HECW1: variants seen among roughly 807,000 people sequenced by gnomAD.
HECW1 encodes E3 ubiquitin-protein ligase HECW1.
In HECW1, 61 loss-of-function variants were observed where a neutral mutation model predicts 182.3. The observed-to-expected ratio is 0.33, with a 90% confidence interval of 0.27 to 0.41. The LOEUF is 0.41. Ranked by LOEUF, HECW1 falls within the 10% of genes least tolerant of loss-of-function variation. The pLI, the probability that HECW1 is intolerant of heterozygous loss-of-function variation, is 1.00. For synonymous variants in HECW1, 859 were observed against 832.6 expected (o/e 1.03, Z -0.55); for missense variants, 1,739 against 2,108.9 (o/e 0.82, Z 3.44).
chr7:43,402,401 G>A (rs991441134), intron 7 of HECW1, among the ~76,000 whole-genome samples: 2 of 152,132 alleles, frequency 1.3e-5, no homozygotes, highest in South Asian at 2.1e-4. Context: ...TTGAGCATAC[G>A]AGCCACACCC....
chr7:43,415,668 A>G lies in HECW1; in HGVS notation c.801+7937A>G, dbSNP rs1425848043. On this transcript the variant is annotated intron_variant, in intron 8 of 29. Coordinates refer to ENST00000395891, the MANE Select transcript of HECW1 (RefSeq NM_015052.5). ...CTCCCCATCACTTTCAGGTACACCAATCAGACGTAGATTTGGTCTTTTCAC... is the reference window on the plus strand; with the variant it reads ...CTCCCCATCACTTTCAGGTACACCAGTCAGACGTAGATTTGGTCTTTTCAC... Among the ~76,000 whole-genome samples, 26 of 145,832 alleles carry G rather than the reference A, an allele frequency of 1.8e-4. No homozygotes were observed. The East Asian group carries it at 2.4e-3, about 13-fold the overall frequency.
At chr7:43,331,180 C>A (rs766976801) in intron 5 of HECW1, among the ~76,000 whole-genome samples, 1 of 151,880 alleles carries the variant, frequency 6.6e-6, no homozygotes, top group Non-Finnish European at 1.5e-5. Flanking sequence ...GTTCCCCACC[C>A]TGTGTCCAAG....
intron 2 of HECW1, among the ~76,000 whole-genome samples, chr7:43,225,423 C>T (rs1584055628): frequency 6.6e-6 from 1 of 152,026 alleles, no homozygotes; most frequent in Admixed American, 6.6e-5. Context: ...CCTGGGGAAA[C>T]CACTCATATG....
intron 2 of HECW1, among the ~76,000 whole-genome samples, chr7:43,139,281 A>C (rs185221648): frequency 2.6e-5 from 4 of 152,346 alleles, no homozygotes; most frequent in Non-Finnish European, 5.9e-5. Flanking sequence ...GCACCATGGC[A>C]AACCTCAGCC....
At chr7:43,513,790 C>T (rs1461187586) in intron 24 of HECW1, among the ~76,000 whole-genome samples, 2 of 151,952 alleles carry the variant, frequency 1.3e-5, no homozygotes, top group East Asian at 1.9e-4. Context: ...CTTATTTGTA[C>T]GACTGACTTC....
chr7:43,187,952 G>C (rs1179588454), intron 2 of HECW1, among the ~76,000 whole-genome samples: 2 of 152,158 alleles, frequency 1.3e-5, no homozygotes, highest in African/African-American at 4.8e-5. Context: ...ATGGCTGAAT[G>C]TCCCATCAGT....
intron 2 of HECW1, among the ~76,000 whole-genome samples, chr7:43,145,120 A>G (rs1788559314): frequency 6.6e-6 from 1 of 152,200 alleles, no homozygotes; most frequent in Non-Finnish European, 1.5e-5. Context: ...CTCTCTCAAC[A>G]GAAATCATTT....
Position 43,554,671 on chromosome 7 carries a change from A to G in HECW1, c.4590A>G (p.Leu1530=). Residue 1530 remains leucine, a synonymous_variant, in exon 29 of 30, where the codon TTA becomes TTG. Transcript: ENST00000395891. ...ERFNNEQRLR[L]LQFVTGTSSV... Reference sequence around the variant, plus strand: ...TCAATAATGAGCAGAGGCTGAGATTACTGCAGTTTGTCACGGGAACATCCA... The same window carrying G: ...TCAATAATGAGCAGAGGCTGAGATTGCTGCAGTTTGTCACGGGAACATCCA... 1 of 1,614,026 alleles carries G rather than the reference A, an allele frequency of 6.2e-7. No homozygotes were observed. The highest frequency in any genetic ancestry group is 8.5e-7 in the Non-Finnish European group (1 of 1,179,982).
intron 2 of HECW1, among the ~76,000 whole-genome samples, chr7:43,122,604 A>T (rs903030254): frequency 2.0e-5 from 3 of 152,222 alleles, no homozygotes; most frequent in African/African-American, 7.2e-5. Flanking sequence ...ATAAAGTAAA[A>T]TTTATCTTTC....
rs1176015187 is a variant in HECW1 at position 43,525,158 on chromosome 7, A to G, written c.4020-16005A>G. Among the ~76,000 whole-genome samples the G allele has an allele frequency of 3.3e-5, 5 of 152,246 alleles. No individual in the cohort carries two copies. In the East Asian group the frequency reaches 7.7e-4, roughly 23 times the overall value. On this transcript the variant is annotated intron_variant, in intron 24 of 29. Coordinates refer to ENST00000395891, the MANE Select transcript of HECW1 (RefSeq NM_015052.5). ...AGGACAAAGGAAAGTAAAGCACTCTAGTAACAATATCAAGCCCAATAATCG... is the reference window on the plus strand; with the variant it reads ...AGGACAAAGGAAAGTAAAGCACTCTGGTAACAATATCAAGCCCAATAATCG...
chr7:43,216,502 C>T (rs1796453901), intron 2 of HECW1, among the ~76,000 whole-genome samples: 1 of 152,098 alleles, frequency 6.6e-6, no homozygotes, highest in Non-Finnish European at 1.5e-5. Flanking sequence ...GTCCATCCAC[C>T]TTAGCCATCA....
At chr7:43,298,633 G>T (rs1369754447) in intron 3 of HECW1, among the ~76,000 whole-genome samples, 2 of 152,220 alleles carry the variant, frequency 1.3e-5, no homozygotes, top group East Asian at 3.9e-4. Context: ...TGTACCTGTG[G>T]CTCTAGCTTC....
intron 26 of HECW1, 64 bp from the exon 27 acceptor site, chr7:43,550,381 A>C (rs2081758473): frequency 6.3e-7 from 1 of 1,582,842 alleles, no homozygotes; most frequent in Non-Finnish European, 8.7e-7. Flanking sequence ...CCCTAAAATC[A>C]GTGTGCCTCC....
chr7:43,232,579 G>A (rs1340736877), intron 2 of HECW1, among the ~76,000 whole-genome samples: 2 of 152,218 alleles, frequency 1.3e-5, no homozygotes, highest in African/African-American at 4.8e-5. Context: ...CTTCTGAAGT[G>A]TAGGCTGAAG....
At chr7:43,483,462 C>T (rs2078509245) in intron 17 of HECW1, among the ~76,000 whole-genome samples, 1 of 151,608 alleles carries the variant, frequency 6.6e-6, no homozygotes, top group African/African-American at 2.4e-5. Flanking sequence ...TTTTACAGTC[C>T]AGTAAACTGA....
intron 2 of HECW1, among the ~76,000 whole-genome samples, chr7:43,197,461 G>A (rs1040187196): frequency 2.0e-5 from 3 of 152,210 alleles, no homozygotes; most frequent in African/African-American, 7.2e-5. Context: ...CGTCCTGGGT[G>A]GACAGATGCC....
At chr7:43,268,784 G>GT (rs934959231) in intron 3 of HECW1, among the ~76,000 whole-genome samples, 14 of 151,842 alleles carry the variant, frequency 9.2e-5, no homozygotes, top group African/African-American at 2.9e-4. Context: ...TTGTTTGTTT[G>GT]TTTTTTTAAC....
chr7:43,342,428 G>A (rs1167183257), intron 5 of HECW1, among the ~76,000 whole-genome samples: 1 of 151,670 alleles, frequency 6.6e-6, no homozygotes, highest in East Asian at 1.9e-4. Flanking sequence ...AGGACTCAAG[G>A]TTTTATACAA....
intron 26 of HECW1, among the ~76,000 whole-genome samples, chr7:43,547,214 G>A (rs1311802269): frequency 1.3e-5 from 2 of 151,994 alleles, no homozygotes; most frequent in African/African-American, 4.8e-5. Flanking sequence ...GAGTCTACAG[G>A]TATGTATGCC....
Sources: allele counts gnomAD v4.1 joint callset (sites outside exome capture counted in the v4.1 genomes callset), GRCh38; gene constraint gnomAD v4.1.1; transcripts MANE v1.5; gene names NCBI Gene and HGNC (gene_info 2026-07-23, HGNC 2026-07-21).